HSD17B2: variants seen among roughly 807,000 people sequenced by gnomAD.
HSD17B2 encodes the protein 17-beta-hydroxysteroid dehydrogenase type 2.
Under a neutral mutation model 26.9 loss-of-function variants are expected in HSD17B2, and 32 were observed. The ratio of observed to expected loss-of-function variants is 1.19; its 90% CI spans 0.90 to 1.60. HSD17B2 has a LOEUF of 1.60. Among genes scored for constraint, HSD17B2 ranks in the 40% most tolerant of loss-of-function variants. The probability of loss-of-function intolerance (pLI) is 0.00; values close to 1 mark genes in which losing one functional copy is unlikely to be tolerated. For synonymous variants in HSD17B2, 246 were observed against 186.7 expected (o/e 1.32, Z -2.59); for missense variants, 613 against 468.6 (o/e 1.31, Z -2.85).
At chr16:82,050,441 G>C (rs1382432410) in intron 1 of HSD17B2, among the ~76,000 whole-genome samples, 1 of 151,996 alleles carries the variant, frequency 6.6e-6, no homozygotes, top group African/African-American at 2.4e-5. Flanking sequence ...TGTAGTCAAA[G>C]CTACCGTCAT....
intron 3 of HSD17B2, among the ~76,000 whole-genome samples, chr16:82,087,928 C>G (rs1426868610): frequency 6.6e-5 from 10 of 152,172 alleles, no homozygotes. Context: ...ACCCCATCCT[C>G]AACGCCTAAT....
chr16:82,049,095 T>C (rs2143933367), intron 1 of HSD17B2, among the ~76,000 whole-genome samples: 1 of 152,348 alleles, frequency 6.6e-6, no homozygotes, highest in South Asian at 2.1e-4. Flanking sequence ...TTCATATTCT[T>C]TATCAGCATT....
intron 4 of HSD17B2, chr16:82,095,478 G>C (rs879414296): frequency 6.5e-6 from 1 of 153,008 alleles, no homozygotes; most frequent in African/African-American, 2.4e-5. Flanking sequence ...CTTTGCAGGA[G>C]ACAGCGTGGG....
rs775413984 is a variant in HSD17B2 at position 82,090,883 on chromosome 16, T to C, written c.665-19T>C. The C allele has an allele frequency of 6.9e-6, 11 of 1,587,736 alleles. No individual in the cohort carries two copies. The South Asian group carries it at 1.1e-4, about 17-fold the overall frequency. ...GAACATTTCTAACTTTGCTTCTTTT[T>C]CTCCCATTATTCCCATAGGAGGGGC... On this transcript the variant is annotated intron_variant, in intron 3 of 4. Coordinates refer to ENST00000199936, the MANE Select transcript of HSD17B2 (RefSeq NM_002153.3).
chr16:82,091,420 G>A (rs1904690301), intron 4 of HSD17B2: 1 of 280,724 alleles, frequency 3.6e-6, no homozygotes, highest in Non-Finnish European at 6.9e-6. Context: ...CAGAGAAACA[G>A]AGGTCTGATC....
intron 1 of HSD17B2, among the ~76,000 whole-genome samples, chr16:82,037,827 A>G (rs1293617210): frequency 6.6e-6 from 1 of 152,234 alleles, no homozygotes; most frequent in Non-Finnish European, 1.5e-5. Flanking sequence ...GTCTACAGCC[A>G]CGTCAAATGC....
chr16:82,061,288 A>G (rs1476646009), intron 1 of HSD17B2, among the ~76,000 whole-genome samples: 1 of 152,174 alleles, frequency 6.6e-6, no homozygotes, highest in Non-Finnish European at 1.5e-5. Flanking sequence ...TTTATTTAAT[A>G]AACATCTGGA....
At chr16:82,057,312 C>A (rs1206954293) in intron 1 of HSD17B2, among the ~76,000 whole-genome samples, 1 of 151,992 alleles carries the variant, frequency 6.6e-6, no homozygotes, top group Non-Finnish European at 1.5e-5. Flanking sequence ...GATTCTCCTG[C>A]CTCAGCCTCC....
chr16:82,084,793 C>A (rs1904477950), intron 3 of HSD17B2, among the ~76,000 whole-genome samples: 1 of 152,166 alleles, frequency 6.6e-6, no homozygotes, highest in Non-Finnish European at 1.5e-5. Flanking sequence ...AGTGCAGTGG[C>A]ACGATAGTAG....
At chr16:82,038,927 G>C (rs1913693131) in intron 1 of HSD17B2, among the ~76,000 whole-genome samples, 2 of 152,256 alleles carry the variant, frequency 1.3e-5, no homozygotes, top group African/African-American at 2.4e-5. Flanking sequence ...CTTCACACCA[G>C]TCAATCATTA....
intron 1 of HSD17B2, among the ~76,000 whole-genome samples, chr16:82,059,908 T>C (rs937334597): frequency 1.1e-4 from 17 of 152,240 alleles, no homozygotes; most frequent in African/African-American, 4.1e-4. Flanking sequence ...GAAAAATGCA[T>C]TTGTTTCCAT....
chr16:82,066,551 T>C (rs1250517381), intron 1 of HSD17B2, among the ~76,000 whole-genome samples: 1 of 152,230 alleles, frequency 6.6e-6, no homozygotes, highest in Non-Finnish European at 1.5e-5. Context: ...TACTTTTTTG[T>C]AGCAAAAATG....
At chr16:82,059,822 C>T (rs1018509026) in intron 1 of HSD17B2, among the ~76,000 whole-genome samples, 1 of 152,060 alleles carries the variant, frequency 6.6e-6, no homozygotes, top group African/African-American at 2.4e-5. Context: ...TTTAATTTCC[C>T]GGGCACTTCA....
chr16:82,059,919 T>TA (rs569115015), intron 1 of HSD17B2, among the ~76,000 whole-genome samples: 29 of 152,042 alleles, frequency 1.9e-4, no homozygotes, highest in Non-Finnish European at 4.0e-4. Context: ...TTGTTTCCAT[T>TA]AAAAAAAATT....
chr16:82,039,478 A>C (rs899160525), intron 1 of HSD17B2, among the ~76,000 whole-genome samples: 1 of 152,164 alleles, frequency 6.6e-6, no homozygotes, highest in African/African-American at 2.4e-5. Flanking sequence ...AGAAGCATTC[A>C]TGTATTCACT....
At position 82,071,075 on chromosome 16, in the gene HSD17B2, G is replaced by C. The variant is rs199780292; in HGVS notation, c.612G>C (p.Leu204Phe). Residue 204 changes from leucine (L) to phenylalanine (F), a missense_variant, in exon 3 of 5, where the codon TTG (leucine) becomes TTC (phenylalanine). Physicochemically the swap from Leu to Phe is conservative, Grantham distance 22. Transcript: ENST00000199936. The part of the protein sequence containing the change: ...FGTVEVTKTF[L>F]PLLRKSKGRL... ...CTGTGGAGGTCACAAAGACGTTTTT[G>C]CCTCTTCTTAGAAAATCCAAAGGGA... is the stretch of plus-strand genomic sequence containing the variant. The C allele has an allele frequency of 2.8e-4, 459 of 1,614,158 alleles. 1 individual carries two copies. The highest frequency in any genetic ancestry group is 3.5e-4 in the Non-Finnish European group (408 of 1,180,024).
chr16:82,055,139 A>G (rs917938715), intron 1 of HSD17B2, among the ~76,000 whole-genome samples: 2 of 152,258 alleles, frequency 1.3e-5, no homozygotes, highest in Admixed American at 6.5e-5. Context: ...TAAAGGCCAC[A>G]TGGACTGGCC....
rs149163244 is a variant in HSD17B2, at chr16:82,041,079, T to C, written c.265+5390T>C. On this transcript the variant is annotated intron_variant, in intron 1 of 4. Coordinates refer to ENST00000199936, the MANE Select transcript of HSD17B2 (RefSeq NM_002153.3). ...GGTAATTTTGTGAAAGTTTGAACAA[T>C]GATTGTATCAGGCATTATAGATGGA... is the stretch of plus-strand genomic sequence containing the variant. Among the ~76,000 whole-genome samples, 1,116 of 152,296 alleles carry C rather than the reference T, an allele frequency of 7.3e-3. 14 individuals carry two copies. The highest frequency in any genetic ancestry group is 0.026 in the African/African-American group (1,068 of 41,564).
At chr16:82,070,196 G>T (rs1914666059) in intron 2 of HSD17B2, among the ~76,000 whole-genome samples, 1 of 152,024 alleles carries the variant, frequency 6.6e-6, no homozygotes, top group African/African-American at 2.4e-5. Flanking sequence ...CCACAGCTCA[G>T]ACACTGGCTC....
Sources: gnomAD v4.1 joint callset for allele counts (sites outside exome capture counted in the v4.1 genomes callset) on GRCh38, gnomAD v4.1.1 for gene constraint, MANE v1.5 for transcripts, NCBI Gene and HGNC (gene_info 2026-07-23, HGNC 2026-07-21) for gene names.